ABHD6: variants seen among roughly 807,000 people sequenced by gnomAD.
ABHD6 encodes abhydrolase domain containing 6, acylglycerol lipase.
A neutral mutation model predicts 38.8 loss-of-function variants in ABHD6; 33 were observed. The observed-to-expected ratio is 0.85, with a 90% CI of 0.64 to 1.14. The LOEUF is 1.14. Ranked by LOEUF, ABHD6 falls within the 50% of genes most tolerant of loss-of-function variation. The pLI, the probability that ABHD6 is intolerant of heterozygous loss-of-function variation, is 0.00. For missense variants in ABHD6, 380 were observed against 422.6 expected (o/e 0.90, Z 0.88); for synonymous variants, 147 against 161.6 (o/e 0.91, Z 0.69).
In ABHD6 at chr3:58,263,514, G is replaced by T. The variant is rs1294319520; in HGVS notation, c.120-3675G>T. ...CGAGTAGTACCAAAGAGCTCTGTCT[G>T]ATAATGAAGAAGCCCTTAATTCCTG... On this transcript the variant is annotated intron_variant, in intron 3 of 9. Coordinates refer to ENST00000478253, the MANE Select transcript of ABHD6 (RefSeq NM_001320126.2). This position sits in a 1 kb window ranked among gnomAD's most constrained non-coding sequence, Gnocchi z 4.9. Among the ~76,000 whole-genome samples, 3 of 152,242 alleles carry T rather than the reference G, an allele frequency of 2.0e-5. No homozygotes were observed. The highest frequency in any genetic ancestry group is 4.4e-5 in the Non-Finnish European group (3 of 68,056).
At chr3:58,286,327 A>AT (rs544235325) in intron 9 of ABHD6, among the ~76,000 whole-genome samples, 199 of 150,180 alleles carry the variant, frequency 1.3e-3, no homozygotes, top group African/African-American at 4.0e-3. Flanking sequence ...CAATTTTTGT[A>AT]TTTTTTTTAG....
At chr3:58,258,211 G>T (rs1203400869) in intron 3 of ABHD6, among the ~76,000 whole-genome samples, 1 of 152,178 alleles carries the variant, frequency 6.6e-6, no homozygotes, top group African/African-American at 2.4e-5. Context: ...GGAGGCTGAG[G>T]CAGGAGAATC....
At position 58,256,689 on chromosome 3, in the gene ABHD6, A is replaced by G; in HGVS notation, c.103A>G (p.Ile35Val). 2 of 1,612,318 alleles carry G rather than the reference A, an allele frequency of 1.2e-6. No homozygotes were observed. The highest frequency in any genetic ancestry group is 1.7e-6 in the Non-Finnish European group (2 of 1,179,548). ...ASFLLWPSAL[I>V]RIYYWYWRRT... ...ATTTCTTCTGTGGCCTTCAGCACTG[A>G]TAAGAATCTATTATTGGTAAGCCAG... Residue 35 changes from isoleucine (I) to valine (V), a missense_variant, in exon 3 of 10, where the codon ATA (isoleucine) becomes GTA (valine). Physicochemically the swap from Ile to Val is conservative, Grantham distance 29. Coordinates refer to ENST00000478253, the MANE Select transcript of ABHD6 (RefSeq NM_001320126.2). This position sits in a 1 kb window ranked among gnomAD's most constrained non-coding sequence, Gnocchi z 4.3.
At chr3:58,248,622 C>T (rs899722712) in intron 1 of ABHD6, among the ~76,000 whole-genome samples, 17 of 152,224 alleles carry the variant, frequency 1.1e-4, no homozygotes, top group African/African-American at 3.4e-4. Context: ...CGCTTGAACC[C>T]GGGAGGCGGA....
Position 58,269,577 on chromosome 3 carries a change from A to G in ABHD6, c.390+143A>G. 1 of 629,306 alleles carries G rather than the reference A, an allele frequency of 1.6e-6. No homozygotes were observed. Among genetic ancestry groups the G allele is most frequent in the Non-Finnish European group, 2.8e-6 (1 of 353,660 alleles). The allele number at this position is 629,306 out of a possible 1,614,324, so 39.0% of individuals were successfully genotyped here. A position where few individuals can be genotyped will look rare whatever the true frequency, so the allele number is the denominator to read the frequency against. Reference sequence around the variant, plus strand: ...CTGTCTACAAGTGATGGCAAGCCAAATGGCAACCTGATGATATCTCTGGTT... The same window carrying G: ...CTGTCTACAAGTGATGGCAAGCCAAGTGGCAACCTGATGATATCTCTGGTT... On this transcript the variant is annotated intron_variant, in intron 5 of 9. Transcript: ENST00000478253. This position sits in a 1 kb window ranked among gnomAD's most constrained non-coding sequence, Gnocchi z 4.4.
intron 7 of ABHD6, among the ~76,000 whole-genome samples, chr3:58,284,248 G>C (rs1240440761): frequency 6.6e-6 from 1 of 152,166 alleles, no homozygotes; most frequent in African/African-American, 2.4e-5. Context: ...CAGCAGGGAA[G>C]GCAAAGACAG....
intron 9 of ABHD6, among the ~76,000 whole-genome samples, chr3:58,286,852 G>GCATATATATATATATATATATA (rs1559784446): frequency 1.4e-5 from 1 of 70,648 alleles, no homozygotes; most frequent in African/African-American, 4.7e-5. Context: ...GTGTGTGTGT[G>GCATATATATATATATATATATA]TATATATATA....
Position 58,265,333 on chromosome 3 carries a change from G to C in ABHD6, c.120-1856G>C, listed in dbSNP as rs1232201078. Reference sequence around the variant, plus strand: ...TTTATTTTGCCTAGTGTTGAATTAGGGTTTTAGCATGGTTGAGATCAATTT... The same window carrying C: ...TTTATTTTGCCTAGTGTTGAATTAGCGTTTTAGCATGGTTGAGATCAATTT... On this transcript the variant is annotated intron_variant, in intron 3 of 9. Transcript: ENST00000478253. The surrounding 1 kb of genome is among the most constrained non-coding windows in gnomAD (Gnocchi z 4.2). Among the ~76,000 whole-genome samples, 1 of 151,964 alleles carries C rather than the reference G, an allele frequency of 6.6e-6. No homozygotes were observed. The highest frequency in any genetic ancestry group is 1.5e-5 in the Non-Finnish European group (1 of 68,000).
chr3:58,259,256 G>A lies in ABHD6; in HGVS notation c.119+2551G>A, dbSNP rs554948403. Among the ~76,000 whole-genome samples the A allele has an allele frequency of 6.6e-6, 1 of 152,294 alleles. No individual in the cohort carries two copies. The highest frequency in any genetic ancestry group is 2.1e-4 in the South Asian group (1 of 4,824). ...CAGTTCCCTGGGCTGTCGAGGAGAA[G>A]GCTTTCAGAGTAAGGGTGTTAGGGT... On this transcript the variant is annotated intron_variant, in intron 3 of 9. Coordinates refer to ENST00000478253, the MANE Select transcript of ABHD6 (RefSeq NM_001320126.2). The surrounding 1 kb of genome is among the most constrained non-coding windows in gnomAD (Gnocchi z 4.7).
In ABHD6 at chr3:58,267,463, A is replaced by G. The variant is rs191699903; in HGVS notation, c.276+118A>G. Reference sequence around the variant, plus strand: ...GAGGATTGCTTGAGTCCAGGAGTTCAAAACCAGCCTGGACAACATAAAGAA... The same window carrying G: ...GAGGATTGCTTGAGTCCAGGAGTTCGAAACCAGCCTGGACAACATAAAGAA... On this transcript the variant is annotated intron_variant, in intron 4 of 9. Coordinates refer to ENST00000478253, the MANE Select transcript of ABHD6 (RefSeq NM_001320126.2). This position sits in a 1 kb window ranked among gnomAD's most constrained non-coding sequence, Gnocchi z 4.3. 417 of 1,307,098 alleles carry G rather than the reference A, an allele frequency of 3.2e-4. 1 individual carries two copies. In the African/African-American group the frequency reaches 5.5e-3, roughly 17 times the overall value. The allele number at this position is 1,307,098 out of a possible 1,614,324, so 81.0% of individuals were successfully genotyped here.
chr3:58,262,275 G>A (rs1404300209), intron 3 of ABHD6, among the ~76,000 whole-genome samples: 10 of 152,208 alleles, frequency 6.6e-5, no homozygotes, highest in Admixed American at 5.2e-4. Context: ...ACAATGTTGT[G>A]TAATGTCATT....
Position 58,264,543 on chromosome 3 carries a change from T to C in ABHD6, c.120-2646T>C, listed in dbSNP as rs576743993. The stretch of plus-strand genomic sequence containing the variant: ...AGTCTCTACCTAAAAAATAAAAAAA[T>C]TAGCCAGGCATGGTATATGCACCTG... On this transcript the variant is annotated intron_variant, in intron 3 of 9. Coordinates refer to ENST00000478253, the MANE Select transcript of ABHD6 (RefSeq NM_001320126.2). 2.7e-5 allele frequency among the ~76,000 whole-genome samples: 4 copies of C among 150,792 alleles called. No homozygotes were observed. In the East Asian group the frequency reaches 7.8e-4, roughly 30 times the overall value.
chr3:58,290,668 G>A (rs867002412), intron 9 of ABHD6, among the ~76,000 whole-genome samples: 6 of 149,972 alleles, frequency 4.0e-5, no homozygotes, highest in South Asian at 2.1e-4. Context: ...CAGATGGGGC[G>A]GCTGGGCAGA....
At chr3:58,239,583 C>T (rs867321173) in intron 1 of ABHD6, among the ~76,000 whole-genome samples, 2 of 152,100 alleles carry the variant, frequency 1.3e-5, no homozygotes, top group Admixed American at 6.6e-5. Flanking sequence ...CCAAATTATC[C>T]ATTGTCTTTG....
chr3:58,284,602 C>A lies in ABHD6; in HGVS notation c.682-483C>A, dbSNP rs2097455629. On this transcript the variant is annotated intron_variant, in intron 7 of 9. Transcript: ENST00000478253. Reference sequence around the variant, plus strand: ...AGTAGATGGGATTACAGGCCTGCACCATCACATCCTGCTAGTTTTTGTCTT... The same window carrying A: ...AGTAGATGGGATTACAGGCCTGCACAATCACATCCTGCTAGTTTTTGTCTT... Among the ~76,000 whole-genome samples, 3 of 152,136 alleles carry A rather than the reference C, an allele frequency of 2.0e-5. No individual in the cohort carries two copies. In the South Asian group the frequency reaches 6.2e-4, roughly 32 times the overall value.
chr3:58,252,185 T>C (rs1184100117), intron 2 of ABHD6, among the ~76,000 whole-genome samples: 1 of 151,444 alleles, frequency 6.6e-6, no homozygotes, highest in Non-Finnish European at 1.5e-5. Context: ...TTTTGCTATA[T>C]TCATGTGTCA....
rs1405352818 is a variant in ABHD6 at position 58,273,942 on chromosome 3, T to C, written c.524-716T>C. Among the ~76,000 whole-genome samples the C allele has an allele frequency of 1.3e-5, 2 of 152,208 alleles. No individual in the cohort carries two copies. The highest frequency in any genetic ancestry group is 4.8e-5 in the African/African-American group (2 of 41,448). On this transcript the variant is annotated intron_variant, in intron 6 of 9. Transcript: ENST00000478253. This position sits in a 1 kb window ranked among gnomAD's most constrained non-coding sequence, Gnocchi z 4.8. ...CTAAGCTAAATGCCTAGAAATTTGCTCCATGCTGGAAGTGAAAATTAGTTT... is the reference window on the plus strand; with the variant it reads ...CTAAGCTAAATGCCTAGAAATTTGCCCCATGCTGGAAGTGAAAATTAGTTT...
intron 3 of ABHD6, among the ~76,000 whole-genome samples, chr3:58,262,386 A>C (rs1448580564): frequency 1.3e-5 from 2 of 152,230 alleles, no homozygotes; most frequent in East Asian, 1.9e-4. Flanking sequence ...CCCGTTAACT[A>C]GACAGAGACA....
Position 58,267,127 on chromosome 3 carries a change from C to T in ABHD6, c.120-62C>T, listed in dbSNP as rs956298786. ...ACTTATAGAGAGGACCTGTGCCCATCTTGAAGCCACTCATCTAGAGCTTAC... is the reference window on the plus strand; with the variant it reads ...ACTTATAGAGAGGACCTGTGCCCATTTTGAAGCCACTCATCTAGAGCTTAC... On this transcript the variant is annotated intron_variant, in intron 3 of 9. Coordinates refer to ENST00000478253, the MANE Select transcript of ABHD6 (RefSeq NM_001320126.2). The surrounding 1 kb of genome is among the most constrained non-coding windows in gnomAD (Gnocchi z 4.3). The T allele has an allele frequency of 6.4e-7, 1 of 1,568,314 alleles. No homozygotes were observed. The highest frequency in any genetic ancestry group is 1.8e-5 in the Admixed American group (1 of 56,362).
Sources: allele counts gnomAD v4.1 joint callset (sites outside exome capture counted in the v4.1 genomes callset), GRCh38; gene constraint gnomAD v4.1.1; non-coding constraint Gnocchi (gnomAD v3.1); transcripts MANE v1.5; gene names NCBI Gene and HGNC (gene_info 2026-07-23, HGNC 2026-07-21).